Variants in WDR7 observed in about 807,000 individuals in gnomAD.
WDR7 encodes the protein WD repeat-containing protein 7.
In WDR7, 46 loss-of-function variants were observed where a neutral mutation model predicts 169.4. The observed-to-expected ratio is 0.27, with a 90% CI of 0.21 to 0.35. WDR7 has a LOEUF of 0.35. Among genes scored for constraint, WDR7 ranks in the 10% least tolerant of loss-of-function variants. WDR7 has a pLI of 1.00. For synonymous variants in WDR7, 612 were observed against 666.8 expected, an observed-to-expected ratio of 0.92 and a Z score of 1.27; for missense variants, 1,534 against 1,859.3, an observed-to-expected ratio of 0.83 and a Z score of 3.22.
intron 19 of WDR7, among the ~76,000 whole-genome samples, chr18:56,791,004 G>A (rs921758732): frequency 3.3e-5 from 5 of 152,024 alleles, no homozygotes; most frequent in Non-Finnish European, 5.9e-5. Context: ...AATTTTCTGT[G>A]TTTGTTCTGT....
chr18:56,945,360 A>G (rs2047089296), intron 25 of WDR7, among the ~76,000 whole-genome samples: 2 of 152,202 alleles, frequency 1.3e-5, no homozygotes, highest in Admixed American at 6.5e-5. Context: ...ATAAAAATCT[A>G]TCCTATGAAC....
intron 14 of WDR7, among the ~76,000 whole-genome samples, chr18:56,740,391 G>C (rs975941195): frequency 4.0e-5 from 6 of 151,684 alleles, no homozygotes; most frequent in Non-Finnish European, 7.4e-5. Context: ...TGTATCACTG[G>C]TGACTCTCTT....
At position 56,991,620 on chromosome 18, in the gene WDR7, G is replaced by A. The variant is rs2047820496; in HGVS notation, c.4164+29091G>A. 5.3e-5 allele frequency among the ~76,000 whole-genome samples: 8 copies of A among 152,294 alleles called. No individual in the cohort carries two copies. The South Asian group carries it at 1.7e-3, about 32-fold the overall frequency. On this transcript the variant is annotated intron_variant, in intron 26 of 27. Transcript: ENST00000254442. Reference sequence around the variant, plus strand: ...GGTTTATGGACAACACTGAGCCTGTGGGCAGTCCATAGCTATGGATTTGGA... The same window carrying A: ...GGTTTATGGACAACACTGAGCCTGTAGGCAGTCCATAGCTATGGATTTGGA...
chr18:56,763,419 T>C (rs926501402), intron 16 of WDR7, among the ~76,000 whole-genome samples: 2 of 152,240 alleles, frequency 1.3e-5, no homozygotes, highest in African/African-American at 2.4e-5. Context: ...ATATTGACTT[T>C]TAAGTTTTAA....
At chr18:56,858,090 T>A (rs996261495) in intron 20 of WDR7, among the ~76,000 whole-genome samples, 18 of 152,190 alleles carry the variant, frequency 1.2e-4, no homozygotes, top group African/African-American at 4.1e-4. Context: ...GCTTTTACTT[T>A]CAGCTGCTTG....
chr18:56,888,276 T>C (rs1476562400), intron 21 of WDR7, among the ~76,000 whole-genome samples: 1 of 152,216 alleles, frequency 6.6e-6, no homozygotes, highest in African/African-American at 2.4e-5. Flanking sequence ...TTTACATATA[T>C]TGAAATCACA....
At chr18:56,802,510 G>A (rs1244775719) in intron 19 of WDR7, among the ~76,000 whole-genome samples, 9 of 140,402 alleles carry the variant, frequency 6.4e-5, no homozygotes, top group African/African-American at 1.9e-4. Flanking sequence ...GGCACCCGCC[G>A]CCACACCGGC....
chr18:56,752,295 A>G, intron 14 of WDR7, among the ~76,000 whole-genome samples: 1 of 152,130 alleles, frequency 6.6e-6, no homozygotes, highest in East Asian at 1.9e-4. Context: ...ATCATGTGAT[A>G]CTTCTGTCTT....
At chr18:56,834,760 G>A (rs115212301) in intron 20 of WDR7, among the ~76,000 whole-genome samples, 3 of 152,216 alleles carry the variant, frequency 2.0e-5, no homozygotes, top group East Asian at 1.9e-4. Flanking sequence ...AAGTGGAATC[G>A]TTTAAAATGT....
chr18:56,810,305 T>C (rs1009620935), intron 19 of WDR7, among the ~76,000 whole-genome samples: 10 of 152,168 alleles, frequency 6.6e-5, no homozygotes, highest in African/African-American at 2.4e-4. Flanking sequence ...TAATTTGGGC[T>C]GTCCATTCTC....
intron 26 of WDR7, among the ~76,000 whole-genome samples, chr18:56,982,329 A>G (rs965598040): frequency 1.3e-5 from 2 of 152,236 alleles, no homozygotes; most frequent in Admixed American, 6.5e-5. Flanking sequence ...TGTTTTGCCA[A>G]GGAGGGAGCA....
chr18:56,956,643 C>G (rs2047254580), intron 25 of WDR7, among the ~76,000 whole-genome samples: 1 of 152,128 alleles, frequency 6.6e-6, no homozygotes, highest in African/African-American at 2.4e-5. Flanking sequence ...TCCTGTTGTT[C>G]TTTCCTGCAG....
chr18:56,862,564 T>C (rs1342742413), intron 20 of WDR7, among the ~76,000 whole-genome samples: 2 of 151,728 alleles, frequency 1.3e-5, no homozygotes, highest in Non-Finnish European at 3.0e-5. Flanking sequence ...ATAGTTGTTT[T>C]AGTTTTTAGA....
chr18:56,891,314 A>G (rs958848871), intron 21 of WDR7, among the ~76,000 whole-genome samples: 9 of 152,248 alleles, frequency 5.9e-5, no homozygotes, highest in African/African-American at 1.7e-4. Flanking sequence ...GAATCTTGGT[A>G]TCACCACATC....
rs1169496571 is a variant in WDR7 at position 56,696,181 on chromosome 18, A to G, written c.1358-61A>G. On this transcript the variant is annotated intron_variant, in intron 11 of 27. Coordinates refer to ENST00000254442, the MANE Select transcript of WDR7 (RefSeq NM_015285.3). Reference sequence around the variant, plus strand: ...ATTCTAAACATTCATGTTTACTTTTACTTACTGAAACTTGGTAAACCTTTA... The same window carrying G: ...ATTCTAAACATTCATGTTTACTTTTGCTTACTGAAACTTGGTAAACCTTTA... The G allele has an allele frequency of 5.2e-6, 7 of 1,358,148 alleles. No homozygotes were observed. The East Asian group carries it at 1.6e-4, about 32-fold the overall frequency. The allele number at this position is 1,358,148 out of a possible 1,614,324, so 84.1% of individuals were successfully genotyped here.
intron 21 of WDR7, among the ~76,000 whole-genome samples, chr18:56,898,283 G>C (rs922602483): frequency 3.3e-5 from 5 of 151,906 alleles, no homozygotes; most frequent in African/African-American, 1.2e-4. Flanking sequence ...AAGGATAAGG[G>C]ACAGCTCTTA....
At chr18:56,863,684 G>T (rs527605259) in intron 20 of WDR7, among the ~76,000 whole-genome samples, 2 of 151,574 alleles carry the variant, frequency 1.3e-5, no homozygotes, top group Admixed American at 1.3e-4. Context: ...CTTAACTTTG[G>T]ATATTAACCT....
At chr18:56,677,926 T>C (rs2025276171) in intron 2 of WDR7, among the ~76,000 whole-genome samples, 1 of 152,198 alleles carries the variant, frequency 6.6e-6, no homozygotes, top group Admixed American at 6.5e-5. Context: ...TTCTAGATCC[T>C]GTAGGCATGC....
intron 26 of WDR7, among the ~76,000 whole-genome samples, chr18:56,966,271 G>A (rs567427251): frequency 6.6e-6 from 1 of 152,104 alleles, no homozygotes; most frequent in South Asian, 2.1e-4. Context: ...TTCAATAAAA[G>A]TTACGTCAAG....
Sources: allele counts gnomAD v4.1 joint callset (sites outside exome capture counted in the v4.1 genomes callset), GRCh38; gene constraint gnomAD v4.1.1; transcripts MANE v1.5; gene names NCBI Gene and HGNC (gene_info 2026-07-23, HGNC 2026-07-21).